RABGAP1L: variants seen among roughly 807,000 people sequenced by gnomAD.
RABGAP1L encodes the protein rab GTPase-activating protein 1-like.
Under a neutral mutation model 137.7 loss-of-function variants are expected in RABGAP1L, and 63 were observed. That is an observed-to-expected ratio of 0.46 (90% CI 0.37 to 0.56). The LOEUF (loss-of-function observed/expected upper bound fraction) is 0.56, where lower values mean the gene tolerates loss of function less well. Ranked by LOEUF, RABGAP1L falls within the 20% of genes least tolerant of loss-of-function variation. The pLI is 0.00. For missense variants in RABGAP1L, 1,095 were observed against 1,244.0 expected, an observed-to-expected ratio of 0.88 and a Z score of 1.80; for synonymous variants, 431 against 433.7, an observed-to-expected ratio of 0.99 and a Z score of 0.08.
chr1:174,202,680 C>G (rs1313536901), intron 1 of RABGAP1L, among the ~76,000 whole-genome samples: 4 of 152,176 alleles, frequency 2.6e-5, no homozygotes, highest in Non-Finnish European at 5.9e-5. Context: ...TCAATTTTGG[C>G]TTTTGTTGCC....
chr1:174,821,372 T>C (rs1239967726), intron 19 of RABGAP1L, among the ~76,000 whole-genome samples: 3 of 152,176 alleles, frequency 2.0e-5, no homozygotes, highest in South Asian at 2.1e-4. Context: ...ATGTTACTTA[T>C]CACCTACTTG....
Position 174,809,624 on chromosome 1 carries a change from A to G in RABGAP1L, c.2212-2208A>G, listed in dbSNP as rs1689668295. ...AGGTAACTAGAGGTTAATTGCATTG[A>G]AAATAGAAGAGGTGCCTTCAGAGGA... On this transcript the variant is annotated intron_variant, in intron 18 of 25. Coordinates refer to ENST00000681986, the MANE Select transcript of RABGAP1L (RefSeq NM_001366446.1). Among the ~76,000 whole-genome samples the G allele has an allele frequency of 1.3e-5, 2 of 152,182 alleles. 1 individual carries two copies. Among genetic ancestry groups the G allele is most frequent in the African/African-American group, 4.8e-5 (2 of 41,440 alleles).
intron 19 of RABGAP1L, among the ~76,000 whole-genome samples, chr1:174,827,003 A>T (rs1238834789): frequency 6.6e-6 from 1 of 152,218 alleles, no homozygotes; most frequent in Non-Finnish European, 1.5e-5. Flanking sequence ...GAAGTCCAAG[A>T]TCAAGATGTT....
intron 10 of RABGAP1L, among the ~76,000 whole-genome samples, chr1:174,299,242 T>G (rs1409695667): frequency 6.6e-6 from 1 of 152,220 alleles, no homozygotes; most frequent in East Asian, 1.9e-4. Flanking sequence ...ATCATGGGTT[T>G]GTATCCTCAA....
chr1:174,320,789 C>T (rs993070754), intron 11 of RABGAP1L, among the ~76,000 whole-genome samples: 1 of 152,080 alleles, frequency 6.6e-6, no homozygotes, highest in Admixed American at 6.6e-5. Context: ...GTGTATGTCG[C>T]CTCAGGACCC....
chr1:174,554,504 T>G (rs905705498), intron 13 of RABGAP1L, among the ~76,000 whole-genome samples: 3 of 152,220 alleles, frequency 2.0e-5, no homozygotes, highest in Non-Finnish European at 2.9e-5. Context: ...CTTGAAATTT[T>G]GTATTGGTAT....
At chr1:174,689,829 G>A (rs749872181) in intron 15 of RABGAP1L, among the ~76,000 whole-genome samples, 7 of 152,162 alleles carry the variant, frequency 4.6e-5, no homozygotes, top group Admixed American at 2.6e-4. Context: ...ACAATGGAAT[G>A]GTCTTCCTAT....
intron 11 of RABGAP1L, among the ~76,000 whole-genome samples, chr1:174,344,877 T>C (rs1474740797): frequency 6.6e-6 from 1 of 152,202 alleles, no homozygotes; most frequent in Non-Finnish European, 1.5e-5. Flanking sequence ...ACCAATGTCC[T>C]CGAGAGTTTC....
chr1:174,633,168 A>G (rs1473442440), intron 13 of RABGAP1L, among the ~76,000 whole-genome samples: 4 of 150,870 alleles, frequency 2.7e-5, no homozygotes, highest in Non-Finnish European at 5.9e-5. Flanking sequence ...TTAAGCTGAT[A>G]AGCAACTTCA....
At chr1:174,719,261 AT>A (rs1681288237) in intron 17 of RABGAP1L, among the ~76,000 whole-genome samples, 6 of 152,188 alleles carry the variant, frequency 3.9e-5, no homozygotes, top group African/African-American at 1.4e-4. Context: ...ACTTTAAAAG[AT>A]ATCTTTAATA....
chr1:174,165,098 G>T (rs1483820307), intron 1 of RABGAP1L, among the ~76,000 whole-genome samples: 2 of 152,188 alleles, frequency 1.3e-5, no homozygotes, highest in African/African-American at 4.8e-5. Flanking sequence ...GTAATGGGTG[G>T]TAAAAAGATA....
chr1:174,470,478 G>A (rs1424151504), intron 13 of RABGAP1L, among the ~76,000 whole-genome samples: 1 of 152,110 alleles, frequency 6.6e-6, no homozygotes, highest in Non-Finnish European at 1.5e-5. Flanking sequence ...CTAAAATGCA[G>A]TGTTTTGGCC....
At chr1:174,288,541 C>G (rs753840041) in intron 10 of RABGAP1L, among the ~76,000 whole-genome samples, 5 of 152,162 alleles carry the variant, frequency 3.3e-5, no homozygotes, top group Admixed American at 2.0e-4. Flanking sequence ...ACTGTTTCCT[C>G]TCCTGCAAGG....
At chr1:174,890,974 A>T (rs974916272) in intron 19 of RABGAP1L, among the ~76,000 whole-genome samples, 1 of 152,232 alleles carries the variant, frequency 6.6e-6, no homozygotes, top group Admixed American at 6.5e-5. Context: ...GTGTGTGAGT[A>T]TATCTGTAGA....
chr1:174,988,810 A>C lies in RABGAP1L; in HGVS notation c.2975A>C (p.Gln992Pro). Residue 992 changes from glutamine (Q) to proline (P), a missense_variant, in exon 25 of 26, where the codon CAG becomes CCG. Gln to Pro is a moderately conservative substitution (Grantham distance 76). Around this residue, in one of 4 missense-constraint regions of RABGAP1L, gnomAD observed 312 missense variants for 435.6 expected, o/e 0.72. Transcript: ENST00000681986. Reference sequence around the variant, plus strand: ...CTGGAACTGGCACAAACCAAACTGCAGTTGGTGGAGGCCAAGTGTAAAATT... The same window carrying C: ...CTGGAACTGGCACAAACCAAACTGCCGTTGGTGGAGGCCAAGTGTAAAATT... ...MELELAQTKL[Q>P]LVEAKCKIQE... is the part of the protein sequence containing the mutation. The C allele has an allele frequency of 1.3e-6, 2 of 1,540,330 alleles. No homozygotes were observed. Among genetic ancestry groups the C allele is most frequent in the Non-Finnish European group, 1.7e-6 (2 of 1,143,936 alleles).
In RABGAP1L at chr1:174,281,283, A is replaced by G. The variant is rs145133536; in HGVS notation, c.1323+2504A>G. On this transcript the variant is annotated intron_variant, in intron 10 of 25. Coordinates refer to ENST00000681986, the MANE Select transcript of RABGAP1L (RefSeq NM_001366446.1). ...TGCTGATTGGTCCATTTTACAGAGC[A>G]CTGATTGGTCCATTTTACAGAGCGC... 7.8e-3 allele frequency among the ~76,000 whole-genome samples: 1,186 copies of G among 151,730 alleles called. 11 individuals carry two copies. The highest frequency in any genetic ancestry group is 0.026 in the African/African-American group (1,088 of 41,204).
chr1:174,420,240 G>A (rs2149161402), intron 13 of RABGAP1L, among the ~76,000 whole-genome samples: 1 of 146,758 alleles, frequency 6.8e-6, no homozygotes, highest in East Asian at 2.0e-4. Flanking sequence ...GATGTAGCCA[G>A]AAAGCTAGAA....
intron 19 of RABGAP1L, among the ~76,000 whole-genome samples, chr1:174,904,863 G>T (rs1190615430): frequency 6.6e-6 from 1 of 151,980 alleles, no homozygotes; most frequent in Non-Finnish European, 1.5e-5. Flanking sequence ...TGTTGCCAAG[G>T]CTGGTCTCAA....
intron 19 of RABGAP1L, among the ~76,000 whole-genome samples, chr1:174,857,739 G>A (rs114750660): frequency 1.1e-3 from 166 of 152,210 alleles, no homozygotes; most frequent in African/African-American, 3.8e-3. Context: ...ACACCCACAG[G>A]TGACTTGTCA....
Sources: gnomAD v4.1 joint callset for allele counts (sites outside exome capture counted in the v4.1 genomes callset) on GRCh38, gnomAD v4.1.1 for gene constraint, gnomAD v4.1.1 regional missense constraint, MANE v1.5 for transcripts, NCBI Gene and HGNC (gene_info 2026-07-23, HGNC 2026-07-21) for gene names.